Variants in ADGRL4 observed in about 807,000 individuals in gnomAD.
ADGRL4 encodes adhesion G protein-coupled receptor L4, also known as EGF, latrophilin and seven transmembrane domain containing 1.
In ADGRL4, 90 loss-of-function variants were observed where a neutral mutation model predicts 74.8. The ratio of observed to expected loss-of-function variants is 1.20; its 90% confidence interval spans 1.02 to 1.43. The LOEUF (loss-of-function observed/expected upper bound fraction) is 1.43. Ranked by LOEUF, ADGRL4 falls within the 40% of genes most tolerant of loss-of-function variation. The pLI is 0.00. For synonymous variants in ADGRL4, 311 were observed against 279.2 expected, an observed-to-expected ratio of 1.11 and a Z score of -1.14; for missense variants, 881 against 814.3, an observed-to-expected ratio of 1.08 and a Z score of -1.00.
At chr1:78,922,517 T>C (rs1026798301) in intron 8 of ADGRL4, among the ~76,000 whole-genome samples, 1 of 152,016 alleles carries the variant, frequency 6.6e-6, no homozygotes, top group African/African-American at 2.4e-5. Context: ...CAATAAACAG[T>C]GGAATTCTCC....
chr1:78,937,810 T>A lies in ADGRL4; in HGVS notation c.757A>T (p.Ile253Leu). The A allele has an allele frequency of 6.2e-7, 1 of 1,605,142 alleles. No homozygotes were observed. Among genetic ancestry groups the A allele is most frequent in the Non-Finnish European group, 8.5e-7 (1 of 1,177,722 alleles). The change falls in exon 6 of 15, where the codon ATA becomes TTA. Residue 253 changes from isoleucine to leucine, a missense_variant. Physicochemically the swap from Ile to Leu is conservative, Grantham distance 5. Transcript: ENST00000370742. ...TTEFDTNSTD[I>L]ALKVFFFDSY... ...TAAATGGACCCTTGTTTCTTACCTA[T>A]ATCCGTTGAATTTGTATCAAACTCT...
chr1:78,919,899 A>C (rs1487277380), intron 10 of ADGRL4, among the ~76,000 whole-genome samples: 1 of 151,990 alleles, frequency 6.6e-6, no homozygotes, highest in Non-Finnish European at 1.5e-5. Context: ...CGTCCATTTA[A>C]AAACAAAACA....
chr1:78,974,955 A>G, intron 2 of ADGRL4, among the ~76,000 whole-genome samples: 1 of 152,142 alleles, frequency 6.6e-6, no homozygotes, highest in East Asian at 1.9e-4. Context: ...AGTTTTTGAG[A>G]ATTAAGGAAT....
chr1:78,902,374 T>A (rs528769921), intron 12 of ADGRL4, among the ~76,000 whole-genome samples: 2 of 152,202 alleles, frequency 1.3e-5, no homozygotes, highest in Non-Finnish European at 2.9e-5. Flanking sequence ...GGATAAGCAT[T>A]CTTTGCCTTA....
intron 2 of ADGRL4, among the ~76,000 whole-genome samples, chr1:78,984,265 CTAAT>C (rs955670494): frequency 1.3e-5 from 2 of 151,510 alleles, no homozygotes; most frequent in African/African-American, 4.8e-5. Context: ...AACTATAAAA[CTAAT>C]TAATATTGAG....
intron 2 of ADGRL4, among the ~76,000 whole-genome samples, chr1:78,968,509 G>T (rs1602052): frequency 0.27 from 32,725 of 123,442 alleles, 5,330 homozygotes; most frequent in Middle Eastern, 0.31. Context: ...GCGGTGGGGG[G>T]GTGGGGGGGA....
At chr1:78,995,725 C>T (rs1212969911) in intron 2 of ADGRL4, among the ~76,000 whole-genome samples, 2 of 152,188 alleles carry the variant, frequency 1.3e-5, no homozygotes, top group Admixed American at 6.5e-5. Flanking sequence ...AATCAAATAA[C>T]TTTAAATCTT....
At chr1:78,933,607 G>A (rs547864161) in intron 7 of ADGRL4, among the ~76,000 whole-genome samples, 1 of 151,348 alleles carries the variant, frequency 6.6e-6, no homozygotes, top group Non-Finnish European at 1.5e-5. Context: ...AAGAAATAGA[G>A]GGTATTCAAA....
At chr1:78,990,433 T>C (rs1298019962) in intron 2 of ADGRL4, among the ~76,000 whole-genome samples, 1 of 151,932 alleles carries the variant, frequency 6.6e-6, no homozygotes, top group African/African-American at 2.4e-5. Flanking sequence ...AAGACTTAGG[T>C]TTGGCTTTCT....
At chr1:78,936,205 G>T in intron 7 of ADGRL4, 90 bp downstream of exon 7, 1 of 1,320,958 alleles carries the variant, frequency 7.6e-7, no homozygotes, top group Non-Finnish European at 1.0e-6. Context: ...GAAACCACAT[G>T]TTACATGTAC....
chr1:78,969,251 T>C (rs1650122129), intron 2 of ADGRL4, among the ~76,000 whole-genome samples: 1 of 152,208 alleles, frequency 6.6e-6, no homozygotes, highest in Non-Finnish European at 1.5e-5. Context: ...TAAGAATCCA[T>C]TTTTCTTTTG....
chr1:78,973,453 T>G (rs950864944), intron 2 of ADGRL4, among the ~76,000 whole-genome samples: 1 of 151,652 alleles, frequency 6.6e-6, no homozygotes, highest in Non-Finnish European at 1.5e-5. Flanking sequence ...GCATTTAAAG[T>G]TTCAAATAAG....
At chr1:79,001,481 A>G (rs547691265) in intron 2 of ADGRL4, among the ~76,000 whole-genome samples, 2 of 152,304 alleles carry the variant, frequency 1.3e-5, no homozygotes, top group South Asian at 4.1e-4. Context: ...TATGAAAAAT[A>G]GCTTCTCCAG....
Position 78,963,578 on chromosome 1 carries a change from C to G in ADGRL4, c.173-17152G>C, listed in dbSNP as rs544991111. Among the ~76,000 whole-genome samples the G allele has an allele frequency of 2.0e-5, 3 of 152,246 alleles. 1 individual carries two copies. Among genetic ancestry groups the G allele is most frequent in the Admixed American group, 6.5e-5 (1 of 15,284 alleles). On this transcript the variant is annotated intron_variant, in intron 2 of 14. Coordinates refer to ENST00000370742, the MANE Select transcript of ADGRL4 (RefSeq NM_022159.4). ...ATCTTGAATTCTTGTTTTATACCCT[C>G]CAGATCAAATATGACATTTGTTTAT...
intron 2 of ADGRL4, among the ~76,000 whole-genome samples, chr1:78,981,606 A>G (rs1186852166): frequency 4.0e-5 from 6 of 151,892 alleles, no homozygotes; most frequent in African/African-American, 1.4e-4. Flanking sequence ...TGATCATTTT[A>G]CCTTATTTAA....
intron 7 of ADGRL4, among the ~76,000 whole-genome samples, chr1:78,935,051 TG>T (rs1469089563): frequency 1.3e-5 from 2 of 152,196 alleles, no homozygotes; most frequent in African/African-American, 4.8e-5. Context: ...ATCCCATTAC[TG>T]GGTATGTACC....
At chr1:78,931,388 T>A (rs1404809280) in intron 7 of ADGRL4, among the ~76,000 whole-genome samples, 1 of 151,394 alleles carries the variant, frequency 6.6e-6, no homozygotes, top group Non-Finnish European at 1.5e-5. Flanking sequence ...TGCTGAGGGA[T>A]TTCGTCACCA....
Position 78,918,595 on chromosome 1 carries a change from A to G in ADGRL4, c.1462-545T>C, listed in dbSNP as rs138329881. ...GTTAAGATTATCATGTAAATTTGAG[A>G]TGGCTTTCACTTAAACATACTTTTC... is the stretch of plus-strand genomic sequence containing the variant. On this transcript the variant is annotated intron_variant, in intron 10 of 14. Transcript: ENST00000370742. Among the ~76,000 whole-genome samples, 181 of 152,040 alleles carry G rather than the reference A, an allele frequency of 1.2e-3. 1 individual carries two copies. The highest frequency in any genetic ancestry group is 4.1e-3 in the African/African-American group (172 of 41,532).
At chr1:78,990,248 ACTCT>A (rs1206077747) in intron 2 of ADGRL4, among the ~76,000 whole-genome samples, 16 of 151,792 alleles carry the variant, frequency 1.1e-4, no homozygotes, top group African/African-American at 3.4e-4. Context: ...TTTTAATTGT[ACTCT>A]CTAAGTGTGT....
Sources: gnomAD v4.1 joint callset for allele counts (sites outside exome capture counted in the v4.1 genomes callset) on GRCh38, gnomAD v4.1.1 for gene constraint, MANE v1.5 for transcripts, NCBI Gene and HGNC (gene_info 2026-07-23, HGNC 2026-07-21) for gene names.